The following UNC5C variants were observed in gnomAD, a reference collection of about 807,000 sequenced individuals.
The protein encoded by UNC5C is netrin receptor UNC5C.
A neutral mutation model predicts 99.8 loss-of-function variants in UNC5C; 47 were observed. That is an observed-to-expected ratio of 0.47 (90% confidence interval 0.37 to 0.60). The LOEUF is 0.60. UNC5C is among the 20% of genes least tolerant of loss of function. The pLI is 0.00. For missense variants in UNC5C, 1,062 were observed against 1,165.9 expected, an observed-to-expected ratio of 0.91 and a Z score of 1.30; for synonymous variants, 487 against 452.2, an observed-to-expected ratio of 1.08 and a Z score of -0.98.
At chr4:95,418,546 G>A (rs918554291) in intron 1 of UNC5C, among the ~76,000 whole-genome samples, 2 of 152,094 alleles carry the variant, frequency 1.3e-5, no homozygotes, top group African/African-American at 4.8e-5. Flanking sequence ...ATGCCATTCT[G>A]GGGTTGAGAA....
intron 1 of UNC5C, among the ~76,000 whole-genome samples, chr4:95,396,155 T>C (rs891847531): frequency 2.0e-5 from 3 of 152,188 alleles, no homozygotes; most frequent in African/African-American, 4.8e-5. Context: ...CTTCAGAAGC[T>C]ACAGGGGAAG....
chr4:95,445,838 G>T (rs1387003796), intron 1 of UNC5C, among the ~76,000 whole-genome samples: 1 of 152,116 alleles, frequency 6.6e-6, no homozygotes, highest in Non-Finnish European at 1.5e-5. Flanking sequence ...GTGAAACACA[G>T]GTGTTCAGTG....
At chr4:95,221,000 G>A (rs984971216) in intron 7 of UNC5C, among the ~76,000 whole-genome samples, 1 of 152,168 alleles carries the variant, frequency 6.6e-6, no homozygotes, top group African/African-American at 2.4e-5. Flanking sequence ...AGGCAAATAA[G>A]CATTTGACCA....
intron 1 of UNC5C, among the ~76,000 whole-genome samples, chr4:95,448,482 A>G (rs934461199): frequency 6.6e-6 from 1 of 152,142 alleles, no homozygotes; most frequent in Admixed American, 6.5e-5. Context: ...ATTTAAATGG[A>G]TATGAAATCA....
intron 1 of UNC5C, among the ~76,000 whole-genome samples, chr4:95,379,456 C>T (rs960765811): frequency 6.6e-6 from 1 of 152,102 alleles, no homozygotes. Context: ...TATGCGAAAA[C>T]CTCTCTGGAC....
intron 5 of UNC5C, chr4:95,248,347 G>A (rs1739575607): frequency 9.7e-5 from 28 of 287,830 alleles, no homozygotes; most frequent in South Asian, 7.8e-4. Flanking sequence ...ATAGTTGAAT[G>A]CTTATATATT....
At chr4:95,299,707 G>C (rs566118187) in intron 3 of UNC5C, among the ~76,000 whole-genome samples, 1 of 152,274 alleles carries the variant, frequency 6.6e-6, no homozygotes, top group African/African-American at 2.4e-5. Flanking sequence ...GCATGTACAA[G>C]GGAACTCCCC....
chr4:95,422,910 C>T (rs997045958), intron 1 of UNC5C, among the ~76,000 whole-genome samples: 8 of 152,076 alleles, frequency 5.3e-5, no homozygotes, highest in African/African-American at 1.7e-4. Context: ...TGAGGAAGGT[C>T]GCTGGGATTA....
At chr4:95,390,261 T>C (rs541174296) in intron 1 of UNC5C, among the ~76,000 whole-genome samples, 98 of 152,160 alleles carry the variant, frequency 6.4e-4, no homozygotes, top group African/African-American at 2.2e-3. Flanking sequence ...AGCCTGAAAC[T>C]AGCTAGACAA....
chr4:95,367,084 A>C (rs1363890400), intron 1 of UNC5C, among the ~76,000 whole-genome samples: 1 of 152,120 alleles, frequency 6.6e-6, no homozygotes, highest in East Asian at 1.9e-4. Context: ...ATCCCCATTT[A>C]ACATATTATA....
Position 95,378,801 on chromosome 4 carries a change from G to A in UNC5C, c.125-43170C>T, listed in dbSNP as rs375018789. Among the ~76,000 whole-genome samples, 13 of 152,234 alleles carry A rather than the reference G, an allele frequency of 8.5e-5. No homozygotes were observed. The East Asian group carries it at 2.1e-3, about 25-fold the overall frequency. ...ACTAGTGACTTCCTATAGCTACTAA[G>A]CACAATAATTTAGGGTTATTTAAAG... On this transcript the variant is annotated intron_variant, in intron 1 of 15. Coordinates refer to ENST00000453304, the MANE Select transcript of UNC5C (RefSeq NM_003728.4).
chr4:95,423,888 C>T (rs1422642816), intron 1 of UNC5C, among the ~76,000 whole-genome samples: 1 of 152,044 alleles, frequency 6.6e-6, no homozygotes, highest in Non-Finnish European at 1.5e-5. Context: ...TAAGGATACA[C>T]ACAAAAGGGA....
intron 1 of UNC5C, among the ~76,000 whole-genome samples, chr4:95,361,184 T>A (rs1744379826): frequency 6.6e-6 from 1 of 152,206 alleles, no homozygotes; most frequent in South Asian, 2.1e-4. Context: ...CAAGGTTTCA[T>A]GAAGATGTGA....
At chr4:95,517,117 C>G (rs1042048374) in intron 1 of UNC5C, among the ~76,000 whole-genome samples, 6 of 151,948 alleles carry the variant, frequency 3.9e-5, no homozygotes, top group African/African-American at 1.5e-4. Flanking sequence ...GCATATGAAC[C>G]GTGCTTTAAA....
intron 13 of UNC5C, 100 bp downstream of exon 13, chr4:95,184,947 T>G (rs1467980807): frequency 3.9e-6 from 5 of 1,282,080 alleles, no homozygotes; most frequent in Non-Finnish European, 4.1e-6. Flanking sequence ...AGTAATGACA[T>G]ATGATTAATT....
At position 95,501,794 on chromosome 4, in the gene UNC5C, G is replaced by A. The variant is rs536561541; in HGVS notation, c.124+46940C>T. 9.8e-4 allele frequency among the ~76,000 whole-genome samples: 149 copies of A among 152,130 alleles called. 2 individuals carry two copies. The South Asian group carries it at 0.018, about 18-fold the overall frequency. Reference sequence around the variant, plus strand: ...GTTTTGAGGGAGTTTTGAATTTCACGTCTGATGCTACCTTTGAAAATATTC... The same window carrying A: ...GTTTTGAGGGAGTTTTGAATTTCACATCTGATGCTACCTTTGAAAATATTC... On this transcript the variant is annotated intron_variant, in intron 1 of 15. Coordinates refer to ENST00000453304, the MANE Select transcript of UNC5C (RefSeq NM_003728.4).
intron 2 of UNC5C, among the ~76,000 whole-genome samples, chr4:95,327,997 A>T (rs545879315): frequency 6.8e-6 from 1 of 146,880 alleles, no homozygotes; most frequent in East Asian, 2.1e-4. Context: ...ATTGTTTATA[A>T]CATGTGCCCT....
intron 1 of UNC5C, among the ~76,000 whole-genome samples, chr4:95,457,779 ACAG>A (rs1560840151): frequency 6.6e-6 from 1 of 152,168 alleles, no homozygotes; most frequent in African/African-American, 2.4e-5. Flanking sequence ...TTAAGGACTT[ACAG>A]CAAGAAAACA....
At chr4:95,396,874 A>T (rs778492110) in intron 1 of UNC5C, among the ~76,000 whole-genome samples, 1 of 152,192 alleles carries the variant, frequency 6.6e-6, no homozygotes, top group South Asian at 2.1e-4. Flanking sequence ...AATCTTCATG[A>T]ATGCTTTATG....
Sources: allele counts gnomAD v4.1 joint callset (sites outside exome capture counted in the v4.1 genomes callset), GRCh38; gene constraint gnomAD v4.1.1; transcripts MANE v1.5; gene names NCBI Gene and HGNC (gene_info 2026-07-23, HGNC 2026-07-21).